GFOD1: variants seen among roughly 807,000 people sequenced by gnomAD.
The protein encoded by GFOD1 is Gfo/Idh/MocA-like oxidoreductase domain containing 1, also known as glucose-fructose oxidoreductase domain-containing protein 1.
A neutral mutation model predicts 25.4 loss-of-function variants in GFOD1; 9 were observed. That is an observed-to-expected ratio of 0.35 (90% CI 0.21 to 0.62). The LOEUF is 0.62. Among genes scored for constraint, GFOD1 ranks in the 20% least tolerant of loss-of-function variants. The probability of loss-of-function intolerance (pLI) is 0.72; values close to 1 mark genes in which losing one functional copy is unlikely to be tolerated. For synonymous variants in GFOD1, 253 were observed against 245.6 expected (o/e 1.03, Z -0.28); for missense variants, 403 against 556.9 (o/e 0.72, Z 2.78).
At chr6:13,366,708 C>T (rs1282503849) in intron 1 of GFOD1, among the ~76,000 whole-genome samples, 2 of 151,786 alleles carry the variant, frequency 1.3e-5, no homozygotes, top group Admixed American at 1.3e-4. Flanking sequence ...TTGTTCAGGC[C>T]GGTCTCGAAT....
intron 1 of GFOD1, among the ~76,000 whole-genome samples, chr6:13,477,570 A>G (rs2127578877): frequency 6.6e-6 from 1 of 151,876 alleles, no homozygotes; most frequent in Non-Finnish European, 1.5e-5. Context: ...AGACCACAGA[A>G]CTCCATGCAG....
chr6:13,417,473 G>A (rs1350977724), intron 1 of GFOD1, among the ~76,000 whole-genome samples: 4 of 152,166 alleles, frequency 2.6e-5, no homozygotes, highest in African/African-American at 9.7e-5. Flanking sequence ...GCTGAGTCTA[G>A]AAATATTTTC....
At chr6:13,486,001 C>T in intron 1 of GFOD1, 1 of 984,160 alleles carries the variant, frequency 1.0e-6, no homozygotes, top group Middle Eastern at 5.2e-4. Flanking sequence ...ACCACTCCCA[C>T]CGTCCTTGCC....
At chr6:13,436,954 C>T (rs1757842421) in intron 1 of GFOD1, among the ~76,000 whole-genome samples, 1 of 152,210 alleles carries the variant, frequency 6.6e-6, no homozygotes, top group Admixed American at 6.5e-5. Context: ...ATATGGACAG[C>T]CCCAGGCCAA....
At chr6:13,469,639 ATAATC>A (rs1758444062) in intron 1 of GFOD1, 1 of 1,116,892 alleles carries the variant, frequency 9.0e-7, no homozygotes, top group African/African-American at 1.6e-5. Context: ...CATATTTCAC[ATAATC>A]TAAGACACTA....
intron 1 of GFOD1, among the ~76,000 whole-genome samples, chr6:13,447,622 T>C (rs1758023929): frequency 6.6e-6 from 1 of 151,156 alleles, no homozygotes. Context: ...GCACCTGTAA[T>C]ACCAGCTACT....
At position 13,358,337 on chromosome 6, in the gene GFOD1, T is replaced by G. The variant is rs1784899210; in HGVS notation, c.*6406A>C. On this transcript the variant is annotated 3_prime_UTR_variant, in exon 2 of 2. Coordinates refer to ENST00000379287, the MANE Select transcript of GFOD1 (RefSeq NM_018988.4). The stretch of plus-strand genomic sequence containing the variant: ...GGTTTTATACATATACATACATATA[T>G]ACTCATGTTTGTAAAACACAATAAA... 1 of 152,134 alleles carries G rather than the reference T, an allele frequency of 6.6e-6. No homozygotes were observed. 9.4% of individuals were successfully genotyped at this position (152,134 alleles called of 1,614,324 possible).
At chr6:13,411,360 C>T (rs960917495) in intron 1 of GFOD1, among the ~76,000 whole-genome samples, 3 of 152,132 alleles carry the variant, frequency 2.0e-5, no homozygotes, top group African/African-American at 4.8e-5. Context: ...GGCGCGATAC[C>T]GGCTCACAGC....
At chr6:13,390,780 A>AAGGAAGG (rs1785581911) in intron 1 of GFOD1, among the ~76,000 whole-genome samples, 6 of 117,904 alleles carry the variant, frequency 5.1e-5, no homozygotes, top group Non-Finnish European at 9.0e-5. Context: ...AGAGAGAGAG[A>AAGGAAGG]AAGGAAGGAA....
chr6:13,391,633 A>C (rs948132557), intron 1 of GFOD1, among the ~76,000 whole-genome samples: 1 of 152,224 alleles, frequency 6.6e-6, no homozygotes, highest in Admixed American at 6.5e-5. Context: ...AAAAGAGAAA[A>C]GAAAGCTTCA....
intron 1 of GFOD1, among the ~76,000 whole-genome samples, chr6:13,485,444 T>A (rs938880373): frequency 6.6e-6 from 1 of 152,234 alleles, no homozygotes; most frequent in African/African-American, 2.4e-5. Flanking sequence ...ATTCGCTTCA[T>A]CTGGTTATAA....
chr6:13,484,286 A>G (rs1758817885), intron 1 of GFOD1, among the ~76,000 whole-genome samples: 1 of 152,162 alleles, frequency 6.6e-6, no homozygotes, highest in Non-Finnish European at 1.5e-5. Context: ...TAAAAGGACA[A>G]TTTACCAGGA....
chr6:13,470,207 C>G (rs767782676), intron 1 of GFOD1: 1 of 1,593,582 alleles, frequency 6.3e-7, no homozygotes, highest in South Asian at 1.1e-5. Context: ...TATCTGTAAT[C>G]TTGACTGGGT....
chr6:13,389,972 G>GC (rs770073121), intron 1 of GFOD1, among the ~76,000 whole-genome samples: 2 of 151,824 alleles, frequency 1.3e-5, no homozygotes, highest in African/African-American at 2.4e-5. Flanking sequence ...AACAAGTTCA[G>GC]CCCCCCGTGC....
chr6:13,411,551 C>T (rs900536492), intron 1 of GFOD1, among the ~76,000 whole-genome samples: 4 of 152,172 alleles, frequency 2.6e-5, no homozygotes, highest in African/African-American at 9.7e-5. Flanking sequence ...CTCAGCCTCC[C>T]AAAATGCTGG....
At chr6:13,469,053 G>T (rs1373439557) in intron 1 of GFOD1, among the ~76,000 whole-genome samples, 1 of 152,154 alleles carries the variant, frequency 6.6e-6, no homozygotes, top group Non-Finnish European at 1.5e-5. Flanking sequence ...TGGCCACAGG[G>T]CATTGTGACA....
At chr6:13,439,035 CA>C (rs1458174416) in intron 1 of GFOD1, among the ~76,000 whole-genome samples, 5 of 1,346 alleles carry the variant, frequency 3.7e-3, no homozygotes, top group South Asian at 0.25. Flanking sequence ...TGCATTATTT[CA>C]TGTCTAGAAA....
chr6:13,408,261 T>C (rs542969972), intron 1 of GFOD1: 1 of 199,716 alleles, frequency 5.0e-6, no homozygotes, highest in African/African-American at 2.4e-5. Flanking sequence ...CAGGACCTAG[T>C]TCCAATTGCC....
intron 1 of GFOD1, among the ~76,000 whole-genome samples, chr6:13,477,456 C>G (rs1377158628): frequency 6.6e-6 from 1 of 151,866 alleles, no homozygotes; most frequent in Non-Finnish European, 1.5e-5. Context: ...CTTCAAGCTC[C>G]TAAGACAATA....
Sources: allele counts gnomAD v4.1 joint callset (sites outside exome capture counted in the v4.1 genomes callset), GRCh38; gene constraint gnomAD v4.1.1; transcripts MANE v1.5; gene names NCBI Gene and HGNC (gene_info 2026-07-23, HGNC 2026-07-21).